The following TMEM17 variants were observed in gnomAD, a reference collection of about 807,000 sequenced individuals.
TMEM17 encodes the protein transmembrane protein 17.
TMEM17 carries 15 observed loss-of-function variants against 19.1 expected under a neutral mutation model. That is an observed-to-expected ratio of 0.78 (90% CI 0.52 to 1.21). The LOEUF is 1.21. TMEM17 is among the 50% of genes most tolerant of loss of function. TMEM17 has a pLI of 0.00. For missense variants in TMEM17, 245 were observed against 242.3 expected (o/e 1.01, Z -0.07); for synonymous variants, 103 against 86.9 (o/e 1.19, Z -1.03).
chr2:62,480,033 T>C, the TMEM17 span, among the ~76,000 whole-genome samples: 1 of 152,130 alleles, frequency 6.6e-6, no homozygotes, highest in Non-Finnish European at 1.5e-5. Context: ...ACTGACAGTG[T>C]ATAAGGGTTC....
the TMEM17 span, among the ~76,000 whole-genome samples, chr2:62,464,877 A>G: frequency 3.3e-5 from 5 of 152,114 alleles, no homozygotes; most frequent in Non-Finnish European, 5.9e-5. Flanking sequence ...GAGGCAGTTT[A>G]TTGATCTGGG....
chr2:62,493,742 AC>A, the TMEM17 span, among the ~76,000 whole-genome samples: 1 of 152,238 alleles, frequency 6.6e-6, no homozygotes, highest in African/African-American at 2.4e-5. Context: ...AAATGTGGCA[AC>A]AATGACTTAT....
At chr2:62,483,816 G>T in the TMEM17 span, among the ~76,000 whole-genome samples, 3 of 152,058 alleles carry the variant, frequency 2.0e-5, no homozygotes, top group Admixed American at 1.3e-4. Flanking sequence ...GGCCAGGCTG[G>T]TCTTGATCTC....
chr2:62,488,055 A>T, the TMEM17 span, among the ~76,000 whole-genome samples: 1 of 152,158 alleles, frequency 6.6e-6, no homozygotes, highest in Non-Finnish European at 1.5e-5. Flanking sequence ...TGTTCAGTCT[A>T]TTTCGAGGCT....
the TMEM17 span, among the ~76,000 whole-genome samples, chr2:62,494,751 C>T: frequency 0.19 from 28,998 of 151,976 alleles, 4,051 homozygotes; most frequent in African/African-American, 0.4. Flanking sequence ...CACCTGTAAT[C>T]CCAGCACTTG....
the TMEM17 span, among the ~76,000 whole-genome samples, chr2:62,455,149 T>G: frequency 6.6e-6 from 1 of 152,246 alleles, no homozygotes; most frequent in African/African-American, 2.4e-5. Context: ...ACCCTGTCCC[T>G]GTCCCAGGCA....
chr2:62,481,048 A>G, the TMEM17 span, among the ~76,000 whole-genome samples: 5 of 151,896 alleles, frequency 3.3e-5, no homozygotes, highest in East Asian at 9.6e-4. Flanking sequence ...ATTCTTCTAA[A>G]CCGTGATCAT....
chr2:62,456,447 T>G, the TMEM17 span, among the ~76,000 whole-genome samples: 1 of 152,256 alleles, frequency 6.6e-6, no homozygotes, highest in Non-Finnish European at 1.5e-5. Context: ...GTTTGTCTTC[T>G]GTAGTAAAAT....
chr2:62,502,705 T>G lies in TMEM17; in HGVS notation c.190A>C (p.Met64Leu). ...FPLWWVSSIM[M>L]LHMKYSILPD... ...CTTAGATTTACCTTCATGTGAAGCA[T>G]CATAATGCTGCTCACCCACCACAGT... The change falls in exon 2 of 4, where the codon ATG becomes CTG. Residue 64 changes from methionine (M) to leucine (L), a missense_variant. Physicochemically the swap from Met to Leu is conservative, Grantham distance 15. Transcript: ENST00000335390. The G allele has an allele frequency of 6.2e-7, 1 of 1,605,344 alleles. No homozygotes were observed. Among genetic ancestry groups the G allele is most frequent in the Non-Finnish European group, 8.5e-7 (1 of 1,176,560 alleles).
At chr2:62,475,833 C>G in the TMEM17 span, among the ~76,000 whole-genome samples, 1 of 152,198 alleles carries the variant, frequency 6.6e-6, no homozygotes, top group South Asian at 2.1e-4. Flanking sequence ...ACTACACTTG[C>G]GGCTGTGCAG....
chr2:62,494,928 T>C, the TMEM17 span, among the ~76,000 whole-genome samples: 11 of 152,146 alleles, frequency 7.2e-5, no homozygotes, highest in African/African-American at 2.7e-4. Flanking sequence ...GGCAAGAGAA[T>C]GGTGTGAACC....
At chr2:62,505,812 A>G (rs1230259563) in intron 1 of TMEM17, among the ~76,000 whole-genome samples, 1 of 151,836 alleles carries the variant, frequency 6.6e-6, no homozygotes, top group Non-Finnish European at 1.5e-5. Context: ...CTGGCCAGGG[A>G]GCACCACGCG....
At chr2:62,460,341 C>A in the TMEM17 span, among the ~76,000 whole-genome samples, 328 of 152,250 alleles carry the variant, frequency 2.2e-3, 2 homozygotes, top group Non-Finnish European at 3.6e-3. Context: ...TCATAGGGAG[C>A]CATGGAGCGC....
intron 3 of TMEM17, 131 bp from the exon 4 acceptor site, chr2:62,501,618 A>G (rs1679932393): frequency 1.1e-6 from 1 of 885,978 alleles, no homozygotes; most frequent in African/African-American, 1.7e-5. Context: ...GGAGGATGAC[A>G]TGGTCCTTGT....
the TMEM17 span, among the ~76,000 whole-genome samples, chr2:62,467,191 T>C: frequency 6.6e-6 from 1 of 151,982 alleles, no homozygotes; most frequent in Non-Finnish European, 1.5e-5. Context: ...TGTTGCAGCA[T>C]TTCCCCCCGC....
the TMEM17 span, among the ~76,000 whole-genome samples, chr2:62,488,314 C>T: frequency 6.6e-6 from 1 of 151,744 alleles, no homozygotes; most frequent in African/African-American, 2.4e-5. Context: ...TAGGTATGAC[C>T]CAAATGCAAA....
the TMEM17 span, among the ~76,000 whole-genome samples, chr2:62,481,447 A>G: frequency 1.3e-5 from 2 of 152,108 alleles, no homozygotes; most frequent in African/African-American, 4.8e-5. Flanking sequence ...CTAATTGCTC[A>G]GCTAGGACTT....
downstream of TMEM17, among the ~76,000 whole-genome samples, chr2:62,499,195 A>T (rs1055756350): frequency 5.9e-5 from 9 of 152,120 alleles, no homozygotes; most frequent in East Asian, 7.7e-4. Context: ...CAGTTTAAAA[A>T]TTTTTTTATG....
the TMEM17 span, among the ~76,000 whole-genome samples, chr2:62,484,705 G>A: frequency 6.6e-6 from 1 of 151,874 alleles, no homozygotes; most frequent in African/African-American, 2.4e-5. Flanking sequence ...AACTCTTCAT[G>A]GTTTCCAGCT....
Sources: allele counts gnomAD v4.1 joint callset (sites outside exome capture counted in the v4.1 genomes callset), GRCh38; gene constraint gnomAD v4.1.1; transcripts MANE v1.5; gene names NCBI Gene and HGNC (gene_info 2026-07-23, HGNC 2026-07-21).